UBR3: variants seen among roughly 807,000 people sequenced by gnomAD.
The protein encoded by UBR3 is ubiquitin protein ligase E3 component n-recognin 3, also known as E3 ubiquitin-protein ligase UBR3.
A neutral mutation model predicts 243.2 loss-of-function variants in UBR3; 85 were observed. The ratio of observed to expected loss-of-function variants is 0.35; its 90% CI spans 0.29 to 0.42. UBR3 has a LOEUF of 0.42. Ranked by LOEUF, UBR3 falls within the 10% of genes least tolerant of loss-of-function variation. UBR3 has a pLI of 1.00. For synonymous variants in UBR3, 748 were observed against 799.8 expected (o/e 0.94, Z 1.09); for missense variants, 1,686 against 2,300.8 (o/e 0.73, Z 5.47).
At position 170,032,117 on chromosome 2, in the gene UBR3, G is replaced by A. The variant is rs79714323; in HGVS notation, c.4556+2669G>A. ...ATTTCTGATAAATTTGGAAAAAAAAGTGAAATTCTTTGTTTACTGATCTTG... is the reference window on the plus strand; with the variant it reads ...ATTTCTGATAAATTTGGAAAAAAAAATGAAATTCTTTGTTTACTGATCTTG... On this transcript the variant is annotated intron_variant, in intron 31 of 38. Transcript: ENST00000272793. Among the ~76,000 whole-genome samples the A allele has an allele frequency of 3.3e-5, 5 of 152,230 alleles. No homozygotes were observed. In the East Asian group the frequency reaches 5.8e-4, roughly 18 times the overall value.
At chr2:170,050,518 T>C (rs1251725501) in intron 32 of UBR3, among the ~76,000 whole-genome samples, 3 of 152,206 alleles carry the variant, frequency 2.0e-5, no homozygotes, top group African/African-American at 7.2e-5. Flanking sequence ...AAACTACAGG[T>C]AGTTTGCTTC....
chr2:169,977,054 C>T (rs1291146131), intron 24 of UBR3, among the ~76,000 whole-genome samples: 1 of 151,842 alleles, frequency 6.6e-6, no homozygotes, highest in Non-Finnish European at 1.5e-5. Flanking sequence ...TGGTTCAACT[C>T]TTTTGGATTT....
intron 3 of UBR3, among the ~76,000 whole-genome samples, chr2:169,876,301 C>G (rs957524102): frequency 7.9e-5 from 12 of 151,822 alleles, no homozygotes; most frequent in African/African-American, 2.2e-4. Flanking sequence ...AGGATGGTCT[C>G]GATCTCCTGA....
intron 32 of UBR3, among the ~76,000 whole-genome samples, chr2:170,054,792 T>A (rs530694870): frequency 6.6e-6 from 1 of 152,148 alleles, no homozygotes; most frequent in African/African-American, 2.4e-5. Context: ...GTTTTAAACA[T>A]TGAGACTCCC....
At chr2:170,003,329 C>T (rs1462204403) in intron 27 of UBR3, among the ~76,000 whole-genome samples, 1 of 152,208 alleles carries the variant, frequency 6.6e-6, no homozygotes, top group East Asian at 1.9e-4. Context: ...GTTCACTATT[C>T]TCTGAATGGC....
At chr2:170,078,085 C>G (rs2091847842) in intron 36 of UBR3, 2 of 657,568 alleles carry the variant, frequency 3.0e-6, no homozygotes, top group South Asian at 3.0e-5. Context: ...TGGTGTTTCT[C>G]TTTTCATGCA....
At chr2:170,062,558 C>T (rs1263584115) in intron 35 of UBR3, among the ~76,000 whole-genome samples, 1 of 152,142 alleles carries the variant, frequency 6.6e-6, no homozygotes, top group African/African-American at 2.4e-5. Flanking sequence ...TAGATATTTT[C>T]TTTCACAGTT....
At chr2:169,894,464 T>G (rs10211284) in intron 6 of UBR3, among the ~76,000 whole-genome samples, 1 of 151,846 alleles carries the variant, frequency 6.6e-6, no homozygotes, top group Non-Finnish European at 1.5e-5. Flanking sequence ...TTTCTGTAGT[T>G]AAAATCATAA....
At chr2:169,843,592 C>G (rs2082368971) in intron 1 of UBR3, among the ~76,000 whole-genome samples, 1 of 152,196 alleles carries the variant, frequency 6.6e-6, no homozygotes, top group Admixed American at 6.5e-5. Context: ...TAGTATTACA[C>G]ATGGAATAAT....
chr2:169,947,523 A>T lies in UBR3; in HGVS notation c.2911-19A>T, dbSNP rs1559122372. The stretch of plus-strand genomic sequence containing the variant: ...CGTGATGTGGCAAGACTTGATATTC[A>T]TTTTTTTTTTTATTTTAGGCATCAG... On this transcript the variant is annotated intron_variant, in intron 21 of 38. Coordinates refer to ENST00000272793, the MANE Select transcript of UBR3 (RefSeq NM_172070.4). The T allele has an allele frequency of 8.9e-6, 10 of 1,122,258 alleles. No individual in the cohort carries two copies. The highest frequency in any genetic ancestry group is 6.7e-5 in the Admixed American group (2 of 29,702). The allele number at this position is 1,122,258 out of a possible 1,614,324, so 69.5% of individuals were successfully genotyped here.
chr2:169,838,386 T>TA (rs1491308979), intron 1 of UBR3, among the ~76,000 whole-genome samples: 1 of 82,112 alleles, frequency 1.2e-5, no homozygotes, highest in African/African-American at 4.3e-5. Flanking sequence ...GATTAAGGCA[T>TA]TTGTGTGTGT....
chr2:170,038,553 T>C lies in UBR3; in HGVS notation c.4557-2329T>C, dbSNP rs184738646. ...GAACATAAAATTGGAGGAGATTGAA[T>C]ACTTAAAGGCAGTGGCCATAGGGAT... On this transcript the variant is annotated intron_variant, in intron 31 of 38. Transcript: ENST00000272793. 3.3e-5 allele frequency among the ~76,000 whole-genome samples: 5 copies of C among 152,274 alleles called. No individual in the cohort carries two copies. In the East Asian group the frequency reaches 9.6e-4, roughly 29 times the overall value.
intron 1 of UBR3, among the ~76,000 whole-genome samples, chr2:169,861,873 A>G (rs923834545): frequency 3.3e-5 from 5 of 152,142 alleles, no homozygotes; most frequent in African/African-American, 1.2e-4. Context: ...TATGTTAGGA[A>G]TTTATTATCA....
intron 24 of UBR3, among the ~76,000 whole-genome samples, chr2:169,983,026 C>T (rs958347511): frequency 3.9e-5 from 6 of 152,028 alleles, no homozygotes; most frequent in African/African-American, 1.4e-4. Flanking sequence ...TTGGTCTCTC[C>T]TCCTCTGGCA....
chr2:170,080,150 T>C, intron 37 of UBR3, 127 bp downstream of exon 37: 1 of 897,120 alleles, frequency 1.1e-6, no homozygotes, highest in Non-Finnish European at 1.6e-6. Context: ...GGATTGTGTG[T>C]GTTTTTTAAT....
chr2:169,833,092 C>A (rs2081989007), intron 1 of UBR3, among the ~76,000 whole-genome samples: 1 of 152,136 alleles, frequency 6.6e-6, no homozygotes, highest in Non-Finnish European at 1.5e-5. Context: ...TGAAATGCTG[C>A]TTATATGAAA....
rs1230498412 is a variant in UBR3 at position 169,950,129 on chromosome 2, T to TG, written c.3545+66dup. 36 of 1,449,822 alleles carry TG rather than the reference T, an allele frequency of 2.5e-5. No individual in the cohort carries two copies. The Admixed American group carries it at 8.8e-4, about 35-fold the overall frequency. 89.8% of individuals were successfully genotyped at this position (1,449,822 alleles called of 1,614,324 possible). A position where few individuals can be genotyped will look rare whatever the true frequency, so the allele number is the denominator to read the frequency against. On this transcript the variant is annotated intron_variant, in intron 23 of 38. Coordinates refer to ENST00000272793, the MANE Select transcript of UBR3 (RefSeq NM_172070.4). ...TGAAAATTTGATATTTTCTTCCTTT[T>TG]GGTCATTTGAGGATAATCACCTGGA...
rs200207380 is a variant in UBR3 at position 170,065,971 on chromosome 2, C to CTT, written c.5019+4539_5019+4540dup. Among the ~76,000 whole-genome samples, 363 of 140,652 alleles carry CTT rather than the reference C, an allele frequency of 2.6e-3. 2 individuals are homozygous for CTT. The highest frequency in any genetic ancestry group is 0.012 in the East Asian group (60 of 4,982). 92.3% of individuals were successfully genotyped at this position (140,652 alleles called of 152,430 possible). Reference sequence around the variant, plus strand: ...AAAAATGCTTCTACGTATCCCGTGCCTTTTTTTTTTTTGCTTTTATTATAA... The same window carrying CTT: ...AAAAATGCTTCTACGTATCCCGTGCCTTTTTTTTTTTTTTGCTTTTATTATAA... On this transcript the variant is annotated intron_variant, in intron 35 of 38. Transcript: ENST00000272793.
At chr2:170,001,537 A>C in intron 27 of UBR3, 123 bp downstream of exon 27, 1 of 618,590 alleles carries the variant, frequency 1.6e-6, no homozygotes, top group Non-Finnish European at 2.8e-6. Context: ...CGTATAAACT[A>C]TCCAGTCTCA....
Sources: allele counts gnomAD v4.1 joint callset (sites outside exome capture counted in the v4.1 genomes callset), GRCh38; gene constraint gnomAD v4.1.1; transcripts MANE v1.5; gene names NCBI Gene and HGNC (gene_info 2026-07-23, HGNC 2026-07-21).